Variants in TENT5D observed in about 807,000 individuals in gnomAD.
TENT5D encodes the protein terminal nucleotidyltransferase 5D, also known as cancer/testis antigen 112.
For synonymous variants in TENT5D, 103 were observed against 100.6 expected, an observed-to-expected ratio of 1.02 and a Z score of -0.15; for missense variants, 191 against 287.0, an observed-to-expected ratio of 0.67 and a Z score of 2.42.
intron 2 of TENT5D, among the ~76,000 whole-genome samples, chrX:80,440,063 A>G (rs1261614466): frequency 9.0e-6 from 1 of 111,590 alleles, no homozygotes; most frequent in East Asian, 2.8e-4. Flanking sequence ...TTGCTCACGC[A>G]AGGACACCGT....
At chrX:80,406,374 A>G (rs1452378588) in intron 3 of TENT5D, among the ~76,000 whole-genome samples, 4 of 106,793 alleles carry the variant, frequency 3.7e-5, no homozygotes, top group African/African-American at 1.4e-4. Flanking sequence ...AGAATGTATA[A>G]CTAGAATAAC....
chrX:80,365,606 C>A (rs188148460), intron 3 of TENT5D, among the ~76,000 whole-genome samples: 1,569 of 110,696 alleles, frequency 0.014, 36 homozygotes, highest in African/African-American at 0.049. Flanking sequence ...TTTAGGAGGC[C>A]GAGGCGGGTG....
chrX:80,388,004 G>C (rs1931053736), intron 3 of TENT5D, among the ~76,000 whole-genome samples: 1 of 111,183 alleles, frequency 9.0e-6, no homozygotes, highest in African/African-American at 3.3e-5. Context: ...TCCCCTGCTG[G>C]CCACCACTTC....
At chrX:80,432,525 G>A (rs1932107558) in intron 1 of TENT5D, among the ~76,000 whole-genome samples, 1 of 111,938 alleles carries the variant, frequency 8.9e-6, no homozygotes. Flanking sequence ...GCTCTTGAGA[G>A]AAGAAAACTT....
At chrX:80,439,469 T>C (rs1381706337) in intron 2 of TENT5D, among the ~76,000 whole-genome samples, 1 of 111,326 alleles carries the variant, frequency 9.0e-6, no homozygotes, top group Admixed American at 9.6e-5. Context: ...TTTTGATATA[T>C]GGGTGATTAA....
chrX:80,345,947 C>T (rs1157585406), intron 3 of TENT5D, among the ~76,000 whole-genome samples: 1 of 111,906 alleles, frequency 8.9e-6, no homozygotes, highest in Non-Finnish European at 1.9e-5. Context: ...TGCCTTTTTA[C>T]GTCCTCCCTC....
chrX:80,387,348 G>A (rs752759939), intron 3 of TENT5D, among the ~76,000 whole-genome samples: 20 of 111,780 alleles, frequency 1.8e-4, no homozygotes, highest in African/African-American at 5.2e-4. Flanking sequence ...AGTCTTCATC[G>A]TGTGGGCTCA....
chrX:80,409,017 A>T (rs1174605532), intron 3 of TENT5D, among the ~76,000 whole-genome samples: 1 of 110,962 alleles, frequency 9.0e-6, no homozygotes, highest in Non-Finnish European at 1.9e-5. Flanking sequence ...ATCTCAATAG[A>T]TGCAGAAAAA....
chrX:80,419,554 T>C (rs1025874302), upstream of TENT5D, among the ~76,000 whole-genome samples: 1 of 112,509 alleles, frequency 8.9e-6, no homozygotes, highest in Non-Finnish European at 1.9e-5. Flanking sequence ...ATCTTTGTAA[T>C]CTTGATATTC....
chrX:80,338,126 T>G (rs1293199089), intron 2 of TENT5D, among the ~76,000 whole-genome samples: 1 of 112,037 alleles, frequency 8.9e-6, no homozygotes, highest in Admixed American at 9.5e-5. Context: ...TGGATCATCT[T>G]ACATCTTGGC....
intron 3 of TENT5D, among the ~76,000 whole-genome samples, chrX:80,386,875 G>GA (rs1212267982): frequency 9.0e-6 from 1 of 111,571 alleles, no homozygotes. Context: ...AGACAATGGG[G>GA]AAAAAACCAA....
chrX:80,384,763 C>G (rs978582941), intron 3 of TENT5D, among the ~76,000 whole-genome samples: 10 of 106,764 alleles, frequency 9.4e-5, no homozygotes, highest in African/African-American at 3.4e-4. Context: ...AAATCACAAG[C>G]ATTCTTATAC....
intron 3 of TENT5D, among the ~76,000 whole-genome samples, chrX:80,357,532 A>G (rs1930310265): frequency 9.0e-6 from 1 of 110,540 alleles, no homozygotes; most frequent in South Asian, 3.9e-4. Flanking sequence ...GCATTTTTTC[A>G]TGTGTTTTTT....
chrX:80,361,851 T>A (rs901920671), intron 3 of TENT5D, among the ~76,000 whole-genome samples: 1 of 111,983 alleles, frequency 8.9e-6, no homozygotes, highest in Non-Finnish European at 1.9e-5. Flanking sequence ...ACTTTTATTT[T>A]AGATTCAGGT....
intron 3 of TENT5D, among the ~76,000 whole-genome samples, chrX:80,381,492 G>C (rs181867140): frequency 9.0e-6 from 1 of 111,487 alleles, no homozygotes; most frequent in Non-Finnish European, 1.9e-5. Flanking sequence ...TCCTGAATTT[G>C]AATGTTGACC....
intron 2 of TENT5D, among the ~76,000 whole-genome samples, chrX:80,441,828 T>C (rs1000552389): frequency 9.0e-6 from 1 of 111,091 alleles, no homozygotes; most frequent in African/African-American, 3.3e-5. Flanking sequence ...CAGGTACAAA[T>C]TTAGTAGTCT....
intron 3 of TENT5D, among the ~76,000 whole-genome samples, chrX:80,410,807 T>G (rs796803946): frequency 9.2e-6 from 1 of 108,192 alleles, no homozygotes; most frequent in Non-Finnish European, 1.9e-5. Flanking sequence ...ATGTTTATTG[T>G]GGCATTATTC....
intron 3 of TENT5D, among the ~76,000 whole-genome samples, chrX:80,349,405 G>T (rs1930130396): frequency 9.0e-6 from 1 of 111,681 alleles, no homozygotes; most frequent in South Asian, 3.7e-4. Context: ...ATGTGTTCAA[G>T]AATTTATCCA....
intron 2 of TENT5D, among the ~76,000 whole-genome samples, chrX:80,335,924 G>C (rs1399963959): frequency 9.1e-6 from 1 of 109,529 alleles, no homozygotes; most frequent in Non-Finnish European, 1.9e-5. Flanking sequence ...ATATATATAA[G>C]ATACGAAAAT....
Sources: gnomAD v4.1 joint callset for allele counts (sites outside exome capture counted in the v4.1 genomes callset) on GRCh38, gnomAD v4.1.1 for gene constraint, MANE v1.5 for transcripts, NCBI Gene and HGNC (gene_info 2026-07-23, HGNC 2026-07-21) for gene names.